The following FRMD4A variants were observed in gnomAD, a reference collection of about 807,000 sequenced individuals.
FRMD4A encodes the protein FERM domain-containing protein 4A.
Under a neutral mutation model 129.1 loss-of-function variants are expected in FRMD4A, and 29 were observed. That is an observed-to-expected ratio of 0.22 (90% CI 0.17 to 0.31). The LOEUF is 0.31. Among genes scored for constraint, FRMD4A ranks in the 10% least tolerant of loss-of-function variants. The pLI is 1.00. For synonymous variants in FRMD4A, 634 were observed against 571.6 expected (o/e 1.11, Z -1.56); for missense variants, 1,272 against 1,375.8 (o/e 0.92, Z 1.19).
chr10:14,029,119 G>A (rs888213127), intron 2 of FRMD4A, among the ~76,000 whole-genome samples: 5 of 152,174 alleles, frequency 3.3e-5, no homozygotes, highest in Admixed American at 6.5e-5. Flanking sequence ...TTGTGGGTAT[G>A]TTTTTAAATT....
intron 2 of FRMD4A, among the ~76,000 whole-genome samples, chr10:14,216,781 T>C (rs535797511): frequency 7.2e-5 from 11 of 152,292 alleles, no homozygotes; most frequent in South Asian, 4.1e-4. Flanking sequence ...AGTTTTCTGA[T>C]GTATATTTCA....
At chr10:14,263,198 C>T (rs1844863079) in intron 2 of FRMD4A, among the ~76,000 whole-genome samples, 1 of 152,208 alleles carries the variant, frequency 6.6e-6, no homozygotes, top group East Asian at 1.9e-4. Flanking sequence ...CTTTTAGGAG[C>T]TGGCATGACA....
chr10:14,020,728 G>C (rs983656266), intron 2 of FRMD4A, among the ~76,000 whole-genome samples: 3 of 152,038 alleles, frequency 2.0e-5, no homozygotes, highest in Non-Finnish European at 4.4e-5. Context: ...CAGGGCTCCT[G>C]CAATTTTGGT....
At chr10:13,814,955 G>A (rs768474844) in intron 3 of FRMD4A, among the ~76,000 whole-genome samples, 35 of 152,180 alleles carry the variant, frequency 2.3e-4, no homozygotes, top group Non-Finnish European at 4.0e-4. Context: ...GTCCCTTACC[G>A]GGTGGTAAGG....
At chr10:13,941,415 G>A (rs2095291418) in intron 2 of FRMD4A, among the ~76,000 whole-genome samples, 1 of 152,198 alleles carries the variant, frequency 6.6e-6, no homozygotes, top group Non-Finnish European at 1.5e-5. Flanking sequence ...CCAGTCTGGG[G>A]TATGTCTTTA....
chr10:14,222,713 G>A (rs771973486), intron 2 of FRMD4A, among the ~76,000 whole-genome samples: 5 of 152,118 alleles, frequency 3.3e-5, no homozygotes, highest in Non-Finnish European at 5.9e-5. Context: ...GAAGAGGACT[G>A]GAGTGAAATC....
intron 2 of FRMD4A, among the ~76,000 whole-genome samples, chr10:14,259,565 T>G (rs1427052339): frequency 1.3e-5 from 2 of 152,238 alleles, no homozygotes; most frequent in Non-Finnish European, 2.9e-5. Context: ...TTCATACCTC[T>G]AGGTATTGAA....
At chr10:13,951,890 AAAT>A (rs5783371) in intron 2 of FRMD4A, among the ~76,000 whole-genome samples, 3,907 of 127,632 alleles carry the variant, frequency 0.031, 154 homozygotes, top group African/African-American at 0.08. Flanking sequence ...ACTCTGTCTC[AAAT>A]AATAATAATA....
intron 2 of FRMD4A, among the ~76,000 whole-genome samples, chr10:13,949,843 TA>T (rs1178700932): frequency 1.3e-5 from 2 of 152,216 alleles, no homozygotes; most frequent in African/African-American, 4.8e-5. Context: ...AGCTGCACCC[TA>T]AACCATGGAG....
At chr10:14,153,515 T>C (rs1228940397) in intron 2 of FRMD4A, among the ~76,000 whole-genome samples, 2 of 152,170 alleles carry the variant, frequency 1.3e-5, no homozygotes, top group Non-Finnish European at 2.9e-5. Context: ...TCAGAACTGG[T>C]ATAAAATTGG....
At chr10:13,720,490 G>C (rs2089309824) in intron 12 of FRMD4A, among the ~76,000 whole-genome samples, 1 of 152,116 alleles carries the variant, frequency 6.6e-6, no homozygotes, top group South Asian at 2.1e-4. Context: ...CACGTGTTGA[G>C]TAGCTACCAT....
chr10:14,094,831 G>A (rs1239532228), intron 2 of FRMD4A, among the ~76,000 whole-genome samples: 1 of 152,206 alleles, frequency 6.6e-6, no homozygotes, highest in African/African-American at 2.4e-5. Context: ...TACTGCCATT[G>A]GCCCATGTGT....
intron 2 of FRMD4A, among the ~76,000 whole-genome samples, chr10:14,119,031 C>A (rs1838352306): frequency 6.6e-6 from 1 of 152,144 alleles, no homozygotes; most frequent in South Asian, 2.1e-4. Flanking sequence ...CCTGAGTAGG[C>A]CTTTGTTGGA....
At chr10:13,943,646 C>CAAAAAAAAAAAAAAA (rs55774636) in intron 2 of FRMD4A, among the ~76,000 whole-genome samples, 9 of 58,264 alleles carry the variant, frequency 1.5e-4, no homozygotes, top group African/African-American at 2.2e-4. Flanking sequence ...GACTCTGTCT[C>CAAAAAAAAAAAAAAA]AAAAAAAAAA....
intron 2 of FRMD4A, among the ~76,000 whole-genome samples, chr10:13,881,381 C>T (rs145737286): frequency 1.2e-3 from 177 of 152,202 alleles, no homozygotes; most frequent in African/African-American, 4.1e-3. Context: ...TATGATTGCA[C>T]CACTGCACTC....
At chr10:14,280,605 T>C (rs1845486897) in intron 2 of FRMD4A, among the ~76,000 whole-genome samples, 1 of 152,342 alleles carries the variant, frequency 6.6e-6, no homozygotes, top group Non-Finnish European at 1.5e-5. Flanking sequence ...GTTTTAGCTA[T>C]AAAAGGGACT....
At chr10:13,944,548 T>C (rs540178080) in intron 2 of FRMD4A, among the ~76,000 whole-genome samples, 1 of 152,268 alleles carries the variant, frequency 6.6e-6, no homozygotes, top group East Asian at 1.9e-4. Context: ...ACCTCAGTCC[T>C]TGGAAAAATT....
At chr10:13,839,254 C>T (rs1423272433) in intron 3 of FRMD4A, among the ~76,000 whole-genome samples, 1 of 152,162 alleles carries the variant, frequency 6.6e-6, no homozygotes, top group Non-Finnish European at 1.5e-5. Flanking sequence ...AATCCTCCCA[C>T]CTTGGCCTCT....
chr10:14,110,762 C>T (rs1762418709), intron 2 of FRMD4A, among the ~76,000 whole-genome samples: 1 of 152,214 alleles, frequency 6.6e-6, no homozygotes, highest in African/African-American at 2.4e-5. Flanking sequence ...CCTCAGAATT[C>T]TTTCACAAGC....
Sources: allele counts gnomAD v4.1 joint callset (sites outside exome capture counted in the v4.1 genomes callset), GRCh38; gene constraint gnomAD v4.1.1; transcripts MANE v1.5; gene names NCBI Gene and HGNC (gene_info 2026-07-23, HGNC 2026-07-21).